Variants in TRPC4 observed in about 807,000 individuals in gnomAD.
The protein encoded by TRPC4 is transient receptor potential cation channel subfamily C member 4.
In TRPC4, 49 loss-of-function variants were observed where a neutral mutation model predicts 99.4. The ratio of observed to expected loss-of-function variants is 0.49; its 90% CI spans 0.39 to 0.63. The LOEUF (loss-of-function observed/expected upper bound fraction) is 0.63. Ranked by LOEUF, TRPC4 falls within the 20% of genes least tolerant of loss-of-function variation. TRPC4 has a pLI of 0.00. For synonymous variants in TRPC4, 454 were observed against 425.9 expected (o/e 1.07, Z -0.81); for missense variants, 898 against 1,152.9 (o/e 0.78, Z 3.20).
At chr13:37,755,417 T>C (rs1956071806) in intron 2 of TRPC4, among the ~76,000 whole-genome samples, 2 of 117,832 alleles carry the variant, frequency 1.7e-5, no homozygotes, top group African/African-American at 3.1e-5. Context: ...CCACCATACC[T>C]GGATAATTTT....
intron 3 of TRPC4, among the ~76,000 whole-genome samples, chr13:37,707,670 A>T (rs989520402): frequency 2.0e-5 from 3 of 152,154 alleles, no homozygotes; most frequent in Non-Finnish European, 4.4e-5. Context: ...TGATTCAGGC[A>T]GTCCTATAGA....
chr13:37,679,741 T>C (rs1953174617), intron 4 of TRPC4, among the ~76,000 whole-genome samples: 1 of 152,180 alleles, frequency 6.6e-6, no homozygotes, highest in Admixed American at 6.5e-5. Context: ...AAATCTCTCA[T>C]GAGAGGTCAG....
In TRPC4 at chr13:37,836,672, A is replaced by T. The variant is rs184404099; in HGVS notation, c.-28+32923T>A. On this transcript the variant is annotated intron_variant, in intron 1 of 10. Transcript: ENST00000379705. ...GCACTGGGTGCTGTTAAAGGCATTC[A>T]GTTTTAAAAGGAAAATGGAGCCTAA... is the stretch of plus-strand genomic sequence containing the variant. 2.0e-5 allele frequency among the ~76,000 whole-genome samples: 3 copies of T among 152,222 alleles called. No homozygotes were observed. The East Asian group carries it at 5.8e-4, about 29-fold the overall frequency.
intron 1 of TRPC4, among the ~76,000 whole-genome samples, chr13:37,841,415 T>C (rs1958726952): frequency 6.6e-6 from 1 of 151,978 alleles, no homozygotes; most frequent in African/African-American, 2.4e-5. Context: ...AATATCAATG[T>C]TAGATTTCAT....
intron 3 of TRPC4, among the ~76,000 whole-genome samples, chr13:37,741,993 A>G (rs1418588282): frequency 6.6e-6 from 1 of 151,916 alleles, no homozygotes; most frequent in East Asian, 1.9e-4. Flanking sequence ...GAGGTTTAAT[A>G]TAATAAACCA....
At chr13:37,739,093 AT>A (rs1955500420) in intron 3 of TRPC4, among the ~76,000 whole-genome samples, 1 of 152,206 alleles carries the variant, frequency 6.6e-6, no homozygotes, top group African/African-American at 2.4e-5. Context: ...GTGAAAACAA[AT>A]AATGAAAAGA....
intron 2 of TRPC4, among the ~76,000 whole-genome samples, chr13:37,748,405 A>G (rs544889108): frequency 6.6e-6 from 1 of 152,174 alleles, no homozygotes; most frequent in Non-Finnish European, 1.5e-5. Context: ...CATAAAATAT[A>G]TCTTTATAGA....
intron 1 of TRPC4, among the ~76,000 whole-genome samples, chr13:37,827,101 C>T (rs1377350106): frequency 3.9e-5 from 6 of 152,004 alleles, no homozygotes; most frequent in African/African-American, 1.2e-4. Context: ...ACGTAGTTCT[C>T]CAGCCTTGGT....
chr13:37,662,289 G>A (rs535825553), intron 6 of TRPC4, among the ~76,000 whole-genome samples: 6 of 150,750 alleles, frequency 4.0e-5, no homozygotes, highest in East Asian at 1.9e-4. Flanking sequence ...CAGCCTGGGC[G>A]ACTGAGCAAA....
intron 10 of TRPC4, among the ~76,000 whole-genome samples, chr13:37,638,045 A>G (rs996099721): frequency 1.3e-5 from 2 of 152,094 alleles, no homozygotes; most frequent in African/African-American, 4.8e-5. Context: ...TTAAGTGGAG[A>G]CTAATTTAAG....
intron 2 of TRPC4, among the ~76,000 whole-genome samples, chr13:37,772,531 A>G (rs531695876): frequency 1.3e-5 from 2 of 151,788 alleles, no homozygotes; most frequent in African/African-American, 2.4e-5. Context: ...ATGTATATGC[A>G]TATATACACA....
At chr13:37,763,052 G>GAAC (rs1956267424) in intron 2 of TRPC4, among the ~76,000 whole-genome samples, 1 of 151,194 alleles carries the variant, frequency 6.6e-6, no homozygotes, top group Admixed American at 6.6e-5. Flanking sequence ...ATTTGGCCTT[G>GAAC]AACAGGATTT....
chr13:37,703,119 T>C (rs1489973506), intron 3 of TRPC4, among the ~76,000 whole-genome samples: 1 of 152,200 alleles, frequency 6.6e-6, no homozygotes, highest in Non-Finnish European at 1.5e-5. Flanking sequence ...GTGGTAGTTG[T>C]ATGTGCTAGG....
intron 1 of TRPC4, among the ~76,000 whole-genome samples, chr13:37,823,240 T>G (rs1958074183): frequency 2.0e-5 from 3 of 149,394 alleles, no homozygotes; most frequent in Non-Finnish European, 1.5e-5. Flanking sequence ...ACTCTGATGG[T>G]AGTTTCTTTT....
intron 2 of TRPC4, among the ~76,000 whole-genome samples, chr13:37,759,050 A>G (rs1956161981): frequency 6.6e-6 from 1 of 151,766 alleles, no homozygotes; most frequent in African/African-American, 2.4e-5. Context: ...CTAAAAAATT[A>G]TAAAATTGAG....
chr13:37,656,538 C>T (rs1952243339), intron 6 of TRPC4, among the ~76,000 whole-genome samples: 5 of 152,104 alleles, frequency 3.3e-5, no homozygotes, highest in Admixed American at 3.3e-4. Flanking sequence ...TGGACTAAGT[C>T]AATCATGGTC....
intron 6 of TRPC4, among the ~76,000 whole-genome samples, chr13:37,657,475 T>C (rs1952276892): frequency 6.6e-6 from 1 of 152,248 alleles, no homozygotes; most frequent in African/African-American, 2.4e-5. Context: ...AATCATAGTG[T>C]CCTTTGGATT....
intron 2 of TRPC4, among the ~76,000 whole-genome samples, chr13:37,772,433 T>A (rs1360964374): frequency 1.3e-5 from 2 of 151,700 alleles, no homozygotes; most frequent in African/African-American, 4.8e-5. Flanking sequence ...ATAAATCAAG[T>A]CTATGTCATT....
Position 37,634,683 on chromosome 13 carries a change from TG to T in TRPC4, c.*2219del, listed in dbSNP as rs1566054114. On this transcript the variant is annotated 3_prime_UTR_variant, in exon 11 of 11. Transcript: ENST00000379705. ...ATGGTTATGTATAGTGTCCTTACTT[TG>T]GGAAAAAACAAAATAAAACAACAAC... Among the ~76,000 whole-genome samples the T allele has an allele frequency of 6.6e-6, 1 of 151,940 alleles. No individual in the cohort carries two copies. The highest frequency in any genetic ancestry group is 1.5e-5 in the Non-Finnish European group (1 of 67,956).
Sources: gnomAD v4.1 joint callset for allele counts (sites outside exome capture counted in the v4.1 genomes callset) on GRCh38, gnomAD v4.1.1 for gene constraint, MANE v1.5 for transcripts, NCBI Gene and HGNC (gene_info 2026-07-23, HGNC 2026-07-21) for gene names.